MSI2: variants seen among roughly 807,000 people sequenced by gnomAD.
The protein encoded by MSI2 is RNA-binding protein Musashi homolog 2.
MSI2 carries 17 observed loss-of-function variants against 45.6 expected under a neutral mutation model. The ratio of observed to expected loss-of-function variants is 0.37; its 90% CI spans 0.26 to 0.56. The LOEUF is 0.56. Among genes scored for constraint, MSI2 ranks in the 20% least tolerant of loss-of-function variants. The pLI is 0.77. For missense variants in MSI2, 293 were observed against 444.2 expected (o/e 0.66, Z 3.06); for synonymous variants, 156 against 158.2 (o/e 0.99, Z 0.11).
chr17:57,471,617 T>C (rs936296544), intron 6 of MSI2, among the ~76,000 whole-genome samples: 1 of 152,174 alleles, frequency 6.6e-6, no homozygotes, highest in African/African-American at 2.4e-5. Flanking sequence ...TAGGCTGGTA[T>C]TACTCTTCGT....
chr17:57,381,587 T>C (rs935143698), intron 5 of MSI2, among the ~76,000 whole-genome samples: 3 of 152,208 alleles, frequency 2.0e-5, no homozygotes, highest in African/African-American at 4.8e-5. Context: ...ACTGTCGGTG[T>C]CACTGCTGTC....
chr17:57,334,758 C>T (rs1040340739), intron 5 of MSI2, among the ~76,000 whole-genome samples: 3 of 151,490 alleles, frequency 2.0e-5, no homozygotes, highest in South Asian at 4.2e-4. Context: ...TGTGCCATTG[C>T]ACTCCAGCCT....
intron 7 of MSI2, among the ~76,000 whole-genome samples, chr17:57,538,590 G>A (rs914868638): frequency 6.6e-6 from 1 of 152,096 alleles, no homozygotes; most frequent in African/African-American, 2.4e-5. Flanking sequence ...TGGAGAGTGC[G>A]GGGCAGCCTG....
chr17:57,659,578 G>A (rs563629014), intron 11 of MSI2, among the ~76,000 whole-genome samples: 47 of 152,142 alleles, frequency 3.1e-4, no homozygotes, highest in Non-Finnish European at 5.6e-4. Flanking sequence ...CCTGGTTACC[G>A]GAGAGCAAGG....
intron 5 of MSI2, among the ~76,000 whole-genome samples, chr17:57,334,217 C>T (rs1055705492): frequency 6.6e-6 from 1 of 152,136 alleles, no homozygotes; most frequent in African/African-American, 2.4e-5. Context: ...AAAGCCCCCT[C>T]GAATGGAAGG....
intron 7 of MSI2, among the ~76,000 whole-genome samples, chr17:57,564,961 C>T (rs934932545): frequency 1.3e-5 from 2 of 152,212 alleles, no homozygotes; most frequent in African/African-American, 2.4e-5. Flanking sequence ...TCATTAACAA[C>T]AGCCGTTTAT....
intron 5 of MSI2, among the ~76,000 whole-genome samples, chr17:57,317,583 T>C (rs1912958470): frequency 6.9e-6 from 1 of 144,270 alleles, no homozygotes; most frequent in East Asian, 2.1e-4. Context: ...TGATCTTGGC[T>C]CACTGTAGCC....
chr17:57,571,847 G>A (rs1056404105), intron 7 of MSI2, among the ~76,000 whole-genome samples: 14 of 152,118 alleles, frequency 9.2e-5, no homozygotes, highest in African/African-American at 2.4e-4. Flanking sequence ...TTCTACAGCC[G>A]ACTGCGTGCC....
At chr17:57,272,074 A>T (rs931941660) in intron 5 of MSI2, among the ~76,000 whole-genome samples, 3 of 152,208 alleles carry the variant, frequency 2.0e-5, no homozygotes, top group Admixed American at 6.5e-5. Context: ...CCAGCCAAGT[A>T]GCAGTTCCCA....
chr17:57,257,010 C>A (rs376594981), intron 1 of MSI2, 88 bp from the exon 2 acceptor site: 89 of 1,604,988 alleles, frequency 5.5e-5, no homozygotes, highest in Admixed American at 1.7e-4. Flanking sequence ...CTCGCTCCCC[C>A]CCGCTTTCCT....
intron 5 of MSI2, among the ~76,000 whole-genome samples, chr17:57,331,719 C>G (rs1024473940): frequency 4.6e-5 from 7 of 152,178 alleles, no homozygotes; most frequent in Admixed American, 2.6e-4. Context: ...CAGTGTTCTG[C>G]GTTTCTAGGG....
intron 6 of MSI2, among the ~76,000 whole-genome samples, chr17:57,474,400 G>A (rs549291926): frequency 2.8e-4 from 43 of 152,268 alleles, no homozygotes; most frequent in African/African-American, 6.3e-4. Context: ...CCAAGCCAGG[G>A]CTCCTCCACC....
intron 6 of MSI2, among the ~76,000 whole-genome samples, chr17:57,497,873 C>T (rs907479115): frequency 6.6e-6 from 1 of 152,200 alleles, no homozygotes; most frequent in Admixed American, 6.5e-5. Flanking sequence ...TTAGTTTGAA[C>T]ACCACATGTC....
At chr17:57,661,091 C>T (rs770274634) in intron 11 of MSI2, among the ~76,000 whole-genome samples, 24 of 152,192 alleles carry the variant, frequency 1.6e-4, no homozygotes, top group Non-Finnish European at 3.4e-4. Flanking sequence ...TATAGCTGCT[C>T]AAGAAGCAGT....
chr17:57,324,159 A>AT lies in MSI2; in HGVS notation c.312+61974dup, dbSNP rs58819893. Among the ~76,000 whole-genome samples the AT allele has an allele frequency of 1.8e-3, 274 of 152,200 alleles. 1 individual carries two copies. Among genetic ancestry groups the AT allele is most frequent in the African/African-American group, 6.3e-3 (262 of 41,536 alleles). On this transcript the variant is annotated intron_variant, in intron 5 of 13. Transcript: ENST00000284073. Reference sequence around the variant, plus strand: ...CATGTCTGTACGAGAAATTAAAACAATTTTTTTCCCTCATTTTGCGGGTGG... The same window carrying AT: ...CATGTCTGTACGAGAAATTAAAACAATTTTTTTTCCCTCATTTTGCGGGTGG...
chr17:57,454,409 C>CCT (rs566219823), intron 6 of MSI2, among the ~76,000 whole-genome samples: 5 of 150,994 alleles, frequency 3.3e-5, no homozygotes, highest in Admixed American at 6.6e-5. Flanking sequence ...TTCCTTCTTT[C>CCT]CTCTCTCTCT....
intron 6 of MSI2, among the ~76,000 whole-genome samples, chr17:57,494,800 A>G (rs954155117): frequency 6.6e-6 from 1 of 152,160 alleles, no homozygotes; most frequent in Non-Finnish European, 1.5e-5. Flanking sequence ...CGCTGAACAC[A>G]TGCTGTGTGT....
chr17:57,411,508 A>G (rs1171821934), intron 6 of MSI2, among the ~76,000 whole-genome samples: 1 of 152,136 alleles, frequency 6.6e-6, no homozygotes, highest in South Asian at 2.1e-4. Flanking sequence ...GAGGTAGGAT[A>G]ATTATCCCTA....
intron 5 of MSI2, among the ~76,000 whole-genome samples, chr17:57,296,144 A>G (rs1910936535): frequency 2.0e-5 from 3 of 151,784 alleles, no homozygotes; most frequent in Non-Finnish European, 2.9e-5. Context: ...GCAAGATTTC[A>G]TCGTTGCATT....
Sources: gnomAD v4.1 joint callset for allele counts (sites outside exome capture counted in the v4.1 genomes callset) on GRCh38, gnomAD v4.1.1 for gene constraint, MANE v1.5 for transcripts, NCBI Gene and HGNC (gene_info 2026-07-23, HGNC 2026-07-21) for gene names.